TMEM117: variants seen among roughly 807,000 people sequenced by gnomAD.
TMEM117 encodes transmembrane protein 117.
A neutral mutation model predicts 52.4 loss-of-function variants in TMEM117; 27 were observed. The observed-to-expected ratio is 0.51, with a 90% CI of 0.38 to 0.71. The LOEUF is 0.71. Among genes scored for constraint, TMEM117 ranks in the 30% least tolerant of loss-of-function variants. The probability of loss-of-function intolerance (pLI) is 0.00; values close to 1 mark genes in which losing one functional copy is unlikely to be tolerated. For synonymous variants in TMEM117, 215 were observed against 206.3 expected (o/e 1.04, Z -0.36); for missense variants, 556 against 630.5 (o/e 0.88, Z 1.26).
chr12:44,377,935 T>G (rs1951964994), intron 7 of TMEM117, among the ~76,000 whole-genome samples: 1 of 152,230 alleles, frequency 6.6e-6, no homozygotes, highest in Non-Finnish European at 1.5e-5. Flanking sequence ...GCAGGTTTCT[T>G]TTCCTATTCA....
chr12:44,397,695 A>C, the TMEM117 span, among the ~76,000 whole-genome samples: 3 of 152,228 alleles, frequency 2.0e-5, no homozygotes, highest in Non-Finnish European at 4.4e-5. Context: ...AATGTTTAGA[A>C]TTATTCATGA....
chr12:43,805,991 T>C, the TMEM117 span: 1 of 1,533,572 alleles, frequency 6.5e-7, no homozygotes, highest in Non-Finnish European at 8.8e-7. Flanking sequence ...CTCCCCCGAA[T>C]TTCGGATCAA....
the TMEM117 span, among the ~76,000 whole-genome samples, chr12:44,396,577 G>A: frequency 1.3e-5 from 2 of 152,042 alleles, no homozygotes; most frequent in South Asian, 2.1e-4. Context: ...ATTTAGGCCG[G>A]GTGCGGTGGC....
chr12:44,359,236 G>A (rs1176726206), intron 6 of TMEM117, among the ~76,000 whole-genome samples: 1 of 151,720 alleles, frequency 6.6e-6, no homozygotes, highest in East Asian at 1.9e-4. Flanking sequence ...GAATTGCTGT[G>A]AGAAAATAAC....
chr12:44,132,020 A>G (rs192905334), intron 3 of TMEM117, among the ~76,000 whole-genome samples: 1 of 152,184 alleles, frequency 6.6e-6, no homozygotes, highest in African/African-American at 2.4e-5. Flanking sequence ...CCTGAAGTCT[A>G]TCCATACAGG....
intron 3 of TMEM117, among the ~76,000 whole-genome samples, chr12:43,976,535 G>T (rs1232492107): frequency 6.6e-6 from 1 of 152,170 alleles, no homozygotes; most frequent in Admixed American, 6.5e-5. Context: ...ATCATCAAAG[G>T]TTGGTTTCTG....
At chr12:44,208,481 T>C (rs1302671437) in intron 4 of TMEM117, among the ~76,000 whole-genome samples, 2 of 152,194 alleles carry the variant, frequency 1.3e-5, no homozygotes, top group South Asian at 4.1e-4. Flanking sequence ...GCATTGTCTT[T>C]AGTCTCCCTT....
chr12:43,985,991 T>A lies in TMEM117; in HGVS notation c.410+41649T>A, dbSNP rs11182362. ...TGCAGTCCCACGTCTTGTCTTAAAT[T>A]GTTATTATTATTTTTTTGGTCACAC... On this transcript the variant is annotated intron_variant, in intron 3 of 7. Transcript: ENST00000266534. Among the ~76,000 whole-genome samples the A allele has an allele frequency of 1.4e-3, 212 of 152,330 alleles. 3 individuals are homozygous for A. In the East Asian group the frequency reaches 0.024, roughly 17 times the overall value.
intron 3 of TMEM117, among the ~76,000 whole-genome samples, chr12:44,137,476 C>A (rs369224237): frequency 1.3e-5 from 2 of 151,998 alleles, no homozygotes; most frequent in African/African-American, 2.4e-5. Flanking sequence ...AATGAAGATG[C>A]CTTGCAGAGT....
chr12:44,313,455 C>T (rs1951016319), intron 6 of TMEM117, among the ~76,000 whole-genome samples: 2 of 152,038 alleles, frequency 1.3e-5, no homozygotes, highest in Non-Finnish European at 2.9e-5. Flanking sequence ...CTTTTCAGAT[C>T]TATTATTCTG....
At chr12:44,111,652 G>T (rs1337571017) in intron 3 of TMEM117, among the ~76,000 whole-genome samples, 4 of 131,206 alleles carry the variant, frequency 3.0e-5, no homozygotes, top group East Asian at 2.3e-4. Flanking sequence ...TGGAATAGGT[G>T]TGGTGTGGTG....
chr12:43,856,182 G>A (rs556295793), intron 2 of TMEM117, among the ~76,000 whole-genome samples: 22 of 152,124 alleles, frequency 1.4e-4, no homozygotes, highest in Non-Finnish European at 3.1e-4. Flanking sequence ...TTGAACAGAC[G>A]CTGTCTATAT....
chr12:44,266,513 G>A (rs1189491372), intron 5 of TMEM117, among the ~76,000 whole-genome samples: 1 of 151,984 alleles, frequency 6.6e-6, no homozygotes, highest in Non-Finnish European at 1.5e-5. Flanking sequence ...TATATATTCT[G>A]CATATAAGGC....
At chr12:43,920,921 A>G (rs1013276082) in intron 2 of TMEM117, among the ~76,000 whole-genome samples, 1 of 152,074 alleles carries the variant, frequency 6.6e-6, no homozygotes, top group African/African-American at 2.4e-5. Context: ...CCTGTATCTT[A>G]CACTTCAGTC....
intron 6 of TMEM117, among the ~76,000 whole-genome samples, chr12:44,358,198 G>A (rs1490653577): frequency 6.6e-6 from 1 of 151,990 alleles, no homozygotes; most frequent in Non-Finnish European, 1.5e-5. Context: ...GTCAAAGGTT[G>A]AAAAACTAAC....
chr12:43,998,324 A>G (rs1035824939), intron 3 of TMEM117, among the ~76,000 whole-genome samples: 1 of 152,240 alleles, frequency 6.6e-6, no homozygotes, highest in Non-Finnish European at 1.5e-5. Context: ...AATTAGTGTT[A>G]GCATAGTATA....
At chr12:44,046,288 G>A (rs986542031) in intron 3 of TMEM117, among the ~76,000 whole-genome samples, 9 of 152,274 alleles carry the variant, frequency 5.9e-5, no homozygotes, top group African/African-American at 2.2e-4. Flanking sequence ...ATTGCCACCT[G>A]GACACTTTGG....
the TMEM117 span, chr12:43,805,910 T>A: frequency 1.3e-6 from 2 of 1,492,650 alleles, no homozygotes; most frequent in South Asian, 2.2e-5. Flanking sequence ...GGGGGAAAGT[T>A]GGGCGACTGT....
intron 2 of TMEM117, among the ~76,000 whole-genome samples, chr12:43,912,322 G>A (rs1193548485): frequency 6.8e-6 from 1 of 147,476 alleles, no homozygotes; most frequent in Admixed American, 6.8e-5. Context: ...ACAGGAAGGG[G>A]AACATCACGC....
Sources: gnomAD v4.1 joint callset for allele counts (sites outside exome capture counted in the v4.1 genomes callset) on GRCh38, gnomAD v4.1.1 for gene constraint, MANE v1.5 for transcripts, NCBI Gene and HGNC (gene_info 2026-07-23, HGNC 2026-07-21) for gene names.